The following ASIC2 variants were observed in gnomAD, a reference collection of about 807,000 sequenced individuals.
The protein encoded by ASIC2 is acid sensing ion channel subunit 2.
A neutral mutation model predicts 57.3 loss-of-function variants in ASIC2; 25 were observed. The ratio of observed to expected loss-of-function variants is 0.44; its 90% CI spans 0.32 to 0.61. ASIC2 has a LOEUF of 0.61. ASIC2 is among the 20% of genes least tolerant of loss of function. The probability of loss-of-function intolerance (pLI) is 0.06; values close to 1 mark genes in which losing one functional copy is unlikely to be tolerated. For missense variants in ASIC2, 641 were observed against 738.1 expected, an observed-to-expected ratio of 0.87 and a Z score of 1.52; for synonymous variants, 319 against 307.5, an observed-to-expected ratio of 1.04 and a Z score of -0.39.
intron 1 of ASIC2, among the ~76,000 whole-genome samples, chr17:33,261,940 T>G (rs909070157): frequency 3.9e-5 from 6 of 152,166 alleles, no homozygotes; most frequent in African/African-American, 1.4e-4. Context: ...TTGCTGTCAC[T>G]GAAGTGTGTG....
intron 1 of ASIC2, among the ~76,000 whole-genome samples, chr17:33,488,197 G>A (rs1037351374): frequency 3.9e-5 from 6 of 152,056 alleles, no homozygotes; most frequent in Admixed American, 1.3e-4. Flanking sequence ...TATTAGAAAC[G>A]CCGTCACTCT....
chr17:33,483,572 T>A lies in ASIC2; in HGVS notation c.556-371505A>T, dbSNP rs1050699348. 2.0e-5 allele frequency among the ~76,000 whole-genome samples: 3 copies of A among 152,326 alleles called. No homozygotes were observed. In the East Asian group the frequency reaches 5.8e-4, roughly 29 times the overall value. ...GCTCATACACGTTACTAAACCTCTT[T>A]GGGTCCCTGTTGCCTCCTCTGCACA... is the stretch of plus-strand genomic sequence containing the variant. On this transcript the variant is annotated intron_variant, in intron 1 of 9. Transcript: ENST00000359872.
chr17:33,334,799 T>A (rs942294153), intron 1 of ASIC2, among the ~76,000 whole-genome samples: 3 of 152,094 alleles, frequency 2.0e-5, no homozygotes, highest in Admixed American at 2.0e-4. Context: ...CCACAGGTGA[T>A]GGGGGTCGTC....
chr17:33,291,586 C>T lies in ASIC2; in HGVS notation c.530G>A (p.Gly177Asp). The T allele has an allele frequency of 1.2e-6, 2 of 1,608,622 alleles. No individual in the cohort carries two copies. The highest frequency in any genetic ancestry group is 1.7e-6 in the Non-Finnish European group (2 of 1,178,558). Reference protein sequence around the residue: ...ARPLVSELLRGDEPRRQWFRK... With the variant: ...ARPLVSELLRDDEPRRQWFRK... Reference sequence around the variant, plus strand: ...GAACCACTGGCGGCGCGGCTCGTCGCCCCGCAGCAGCTCGCTGACAAGCGG... The same window carrying T: ...GAACCACTGGCGGCGCGGCTCGTCGTCCCGCAGCAGCTCGCTGACAAGCGG... The change falls in exon 1 of 10, where the codon GGC becomes GAC. Residue 177 changes from glycine (G) to aspartate (D), a missense_variant. Gly to Asp is a moderately conservative substitution (Grantham distance 94). Around this residue, in one of 3 missense-constraint regions of ASIC2, gnomAD observed 382 missense variants for 398.0 expected, o/e 0.96. Transcript: ENST00000225823.
chr17:33,695,639 G>A (rs1458964477), intron 1 of ASIC2, among the ~76,000 whole-genome samples: 1 of 152,148 alleles, frequency 6.6e-6, no homozygotes, highest in East Asian at 1.9e-4. Flanking sequence ...TTAAGCAGAT[G>A]AAAAGTTTTG....
chr17:34,032,149 C>A (rs1205464156), intron 1 of ASIC2, among the ~76,000 whole-genome samples: 1 of 152,204 alleles, frequency 6.6e-6, no homozygotes, highest in East Asian at 1.9e-4. Context: ...ACCCATCAGA[C>A]TAACAGCTGA....
intron 1 of ASIC2, among the ~76,000 whole-genome samples, chr17:33,424,285 A>C (rs1911142591): frequency 1.3e-5 from 2 of 152,144 alleles, no homozygotes; most frequent in Non-Finnish European, 1.5e-5. Flanking sequence ...TGGCTGCCAG[A>C]AGTTGTAATT....
At chr17:33,365,036 T>G (rs527811962) in intron 1 of ASIC2, among the ~76,000 whole-genome samples, 1 of 152,332 alleles carries the variant, frequency 6.6e-6, no homozygotes, top group East Asian at 1.9e-4. Flanking sequence ...AGCACGGATA[T>G]GAGGCCTTTC....
chr17:34,128,278 C>T (rs1167804632), intron 1 of ASIC2, among the ~76,000 whole-genome samples: 1 of 152,162 alleles, frequency 6.6e-6, no homozygotes, highest in African/African-American at 2.4e-5. Context: ...TCTGCCACAC[C>T]TTGTCCCTAT....
intron 1 of ASIC2, among the ~76,000 whole-genome samples, chr17:33,944,453 G>C (rs1916261069): frequency 6.6e-6 from 1 of 152,196 alleles, no homozygotes; most frequent in Non-Finnish European, 1.5e-5. Context: ...AGAGGAGACT[G>C]GTGCTCACAG....
At chr17:33,549,734 A>G (rs1321828881) in intron 1 of ASIC2, among the ~76,000 whole-genome samples, 1 of 152,224 alleles carries the variant, frequency 6.6e-6, no homozygotes, top group Admixed American at 6.5e-5. Flanking sequence ...TCTGTGAAAC[A>G]TAATGGATGA....
chr17:33,832,174 A>T (rs532568644), intron 1 of ASIC2, among the ~76,000 whole-genome samples: 1 of 152,346 alleles, frequency 6.6e-6, no homozygotes, highest in African/African-American at 2.4e-5. Context: ...TTTGCCTTTT[A>T]TTCTCCCTCA....
chr17:34,006,707 A>G (rs1906537711), intron 1 of ASIC2: 1 of 152,234 alleles, frequency 6.6e-6, no homozygotes, highest in Non-Finnish European at 1.5e-5. Context: ...TGTAACGATC[A>G]CATCAGAGTA....
chr17:33,727,139 A>C (rs1909585841), intron 1 of ASIC2, among the ~76,000 whole-genome samples: 1 of 152,172 alleles, frequency 6.6e-6, no homozygotes, highest in African/African-American at 2.4e-5. Context: ...ACTCTACTCA[A>C]AAATAGGGGA....
chr17:34,020,327 C>A (rs2142028141), intron 1 of ASIC2, among the ~76,000 whole-genome samples: 1 of 152,314 alleles, frequency 6.6e-6, no homozygotes, highest in African/African-American at 2.4e-5. Flanking sequence ...GCCTTGACAT[C>A]TCAGATCTTC....
chr17:33,668,378 G>GA (rs1907549570), intron 1 of ASIC2, among the ~76,000 whole-genome samples: 1 of 150,838 alleles, frequency 6.6e-6, no homozygotes, highest in South Asian at 2.1e-4. Flanking sequence ...AGCTCTGGGG[G>GA]AAAATCCATG....
At chr17:33,454,086 A>C (rs1352903782) in intron 1 of ASIC2, among the ~76,000 whole-genome samples, 6 of 152,240 alleles carry the variant, frequency 3.9e-5, no homozygotes, top group Non-Finnish European at 8.8e-5. Context: ...ATTTGCCTAC[A>C]AGTGCTCATA....
intron 1 of ASIC2, among the ~76,000 whole-genome samples, chr17:33,645,881 A>G (rs984491471): frequency 6.6e-6 from 1 of 152,174 alleles, no homozygotes; most frequent in South Asian, 2.1e-4. Flanking sequence ...AGTACATGCC[A>G]TAACTTCTTA....
chr17:34,021,647 A>T (rs1046255375), intron 1 of ASIC2, among the ~76,000 whole-genome samples: 1 of 152,112 alleles, frequency 6.6e-6, no homozygotes, highest in African/African-American at 2.4e-5. Flanking sequence ...CATGGATCAG[A>T]TCCCTACAGA....
Sources: allele counts gnomAD v4.1 joint callset (sites outside exome capture counted in the v4.1 genomes callset), GRCh38; gene constraint gnomAD v4.1.1; regional missense constraint gnomAD v4.1.1; transcripts MANE v1.5; gene names NCBI Gene and HGNC (gene_info 2026-07-23, HGNC 2026-07-21).